SDCCAG8: variants seen among roughly 807,000 people sequenced by gnomAD.
SDCCAG8 encodes the protein serologically defined colon cancer antigen 8.
SDCCAG8 carries 74 observed loss-of-function variants against 101.8 expected under a neutral mutation model. That is an observed-to-expected ratio of 0.73 (90% CI 0.60 to 0.88). The LOEUF (loss-of-function observed/expected upper bound fraction) is 0.88. Ranked by LOEUF, SDCCAG8 falls within the 40% of genes least tolerant of loss-of-function variation. The probability of loss-of-function intolerance (pLI) is 0.00; values close to 1 mark genes in which losing one functional copy is unlikely to be tolerated. For synonymous variants in SDCCAG8, 281 were observed against 292.9 expected, an observed-to-expected ratio of 0.96 and a Z score of 0.41; for missense variants, 787 against 822.6, an observed-to-expected ratio of 0.96 and a Z score of 0.53.
At chr1:243,451,068 T>G (rs1452844120) in intron 16 of SDCCAG8, among the ~76,000 whole-genome samples, 1 of 152,268 alleles carries the variant, frequency 6.6e-6, no homozygotes, top group African/African-American at 2.4e-5. Flanking sequence ...GTAGTATACA[T>G]TATTTCATCT....
At chr1:243,331,686 C>T (rs2074604796) in intron 10 of SDCCAG8, among the ~76,000 whole-genome samples, 1 of 152,170 alleles carries the variant, frequency 6.6e-6, no homozygotes, top group Admixed American at 6.5e-5. Context: ...AAAAATCACA[C>T]AGCCTTGCAG....
At chr1:243,378,957 C>A in intron 13 of SDCCAG8, 94 bp downstream of exon 13, 2 of 1,501,884 alleles carry the variant, frequency 1.3e-6, no homozygotes, top group South Asian at 2.3e-5. Context: ...TAGTCTTAGT[C>A]ATTCAATTCA....
At chr1:243,419,766 A>G (rs1406468940) in intron 15 of SDCCAG8, among the ~76,000 whole-genome samples, 2 of 152,222 alleles carry the variant, frequency 1.3e-5, no homozygotes, top group Non-Finnish European at 1.5e-5. Flanking sequence ...TTCAAGCCAC[A>G]GTAGTTATGA....
chr1:243,354,989 C>T (rs2076302605), intron 12 of SDCCAG8, among the ~76,000 whole-genome samples: 1 of 152,146 alleles, frequency 6.6e-6, no homozygotes, highest in South Asian at 2.1e-4. Flanking sequence ...GAGTGTTAGA[C>T]ACACAGTGTG....
At position 243,365,674 on chromosome 1, in the gene SDCCAG8, A is replaced by G. The variant is rs12082796; in HGVS notation, c.1474-13047A>G. 3.0e-3 allele frequency among the ~76,000 whole-genome samples: 453 copies of G among 152,212 alleles called. 3 individuals are homozygous for G. The highest frequency in any genetic ancestry group is 0.01 in the African/African-American group (436 of 41,548). On this transcript the variant is annotated intron_variant, in intron 12 of 17. Transcript: ENST00000366541. ...ATGGGCCAATTTCTTTTACACAATA[A>G]TTTTTAGTAGCAGATACCATATCTA...
intron 13 of SDCCAG8, among the ~76,000 whole-genome samples, chr1:243,388,650 C>T (rs1213232625): frequency 1.3e-5 from 2 of 148,768 alleles, no homozygotes; most frequent in Non-Finnish European, 3.0e-5. Flanking sequence ...CACTTGAGGC[C>T]AGGAGGTCAA....
At chr1:243,319,043 T>C (rs1037451192) in intron 9 of SDCCAG8, among the ~76,000 whole-genome samples, 2 of 152,078 alleles carry the variant, frequency 1.3e-5, no homozygotes, top group Non-Finnish European at 2.9e-5. Context: ...AAGATTTCAC[T>C]CTGACAGCAG....
chr1:243,288,380 C>T (rs1308131890), intron 5 of SDCCAG8, among the ~76,000 whole-genome samples: 1 of 151,948 alleles, frequency 6.6e-6, no homozygotes, highest in African/African-American at 2.4e-5. Context: ...AGACTGAGGT[C>T]AGAGGATCCC....
intron 13 of SDCCAG8, among the ~76,000 whole-genome samples, chr1:243,409,908 C>G (rs997068895): frequency 6.6e-6 from 1 of 152,026 alleles, no homozygotes; most frequent in Non-Finnish European, 1.5e-5. Context: ...GATGAGAGCT[C>G]GATGAAGAAT....
chr1:243,373,902 T>C (rs1377243075), intron 12 of SDCCAG8, among the ~76,000 whole-genome samples: 1 of 152,048 alleles, frequency 6.6e-6, no homozygotes, highest in African/African-American at 2.4e-5. Flanking sequence ...CCAAGTATTA[T>C]CCTGTATTTG....
At chr1:243,309,582 G>A (rs1191549056) in intron 8 of SDCCAG8, among the ~76,000 whole-genome samples, 1 of 152,178 alleles carries the variant, frequency 6.6e-6, no homozygotes, top group Non-Finnish European at 1.5e-5. Context: ...ATAGCTCAGT[G>A]CAACTTTGAA....
At chr1:243,430,660 G>A (rs2081677326) in intron 16 of SDCCAG8, among the ~76,000 whole-genome samples, 1 of 151,522 alleles carries the variant, frequency 6.6e-6, no homozygotes, top group African/African-American at 2.4e-5. Flanking sequence ...GCATGGTCTG[G>A]ATCTCCTGAC....
intron 13 of SDCCAG8, among the ~76,000 whole-genome samples, chr1:243,381,400 G>T (rs1167417825): frequency 6.6e-6 from 1 of 151,998 alleles, no homozygotes; most frequent in Non-Finnish European, 1.5e-5. Context: ...ATCATCCTGA[G>T]CAACACAATG....
intron 16 of SDCCAG8, among the ~76,000 whole-genome samples, chr1:243,459,505 T>C (rs1658592625): frequency 6.6e-6 from 1 of 151,380 alleles, no homozygotes. Context: ...ACAGAAAGGC[T>C]TGGGGGGTGG....
chr1:243,307,207 A>AAAAC (rs2072233860), intron 7 of SDCCAG8: 1 of 169,738 alleles, frequency 5.9e-6, no homozygotes. Context: ...ACCTTGGAGA[A>AAAAC]AAACCTCATC....
At chr1:243,475,199 A>T (rs1017181548) in intron 16 of SDCCAG8, among the ~76,000 whole-genome samples, 64 of 152,088 alleles carry the variant, frequency 4.2e-4, no homozygotes, top group African/African-American at 1.5e-3. Context: ...GGGCAGTTCT[A>T]CCGCCGCCAC....
At chr1:243,454,166 C>T (rs2083562892) in intron 16 of SDCCAG8, among the ~76,000 whole-genome samples, 1 of 152,098 alleles carries the variant, frequency 6.6e-6, no homozygotes, top group African/African-American at 2.4e-5. Flanking sequence ...TTTTCTATTT[C>T]ACTGATGAAT....
chr1:243,473,096 T>TG (rs1209606476), intron 16 of SDCCAG8, among the ~76,000 whole-genome samples: 1 of 102,156 alleles, frequency 9.8e-6, no homozygotes, highest in Non-Finnish European at 2.1e-5. Flanking sequence ...TGCGGGGGTG[T>TG]GGGGGGTGTG....
intron 9 of SDCCAG8, among the ~76,000 whole-genome samples, chr1:243,329,500 A>T (rs1002819263): frequency 6.6e-6 from 1 of 152,202 alleles, no homozygotes; most frequent in Non-Finnish European, 1.5e-5. Context: ...ATCAAATGTG[A>T]CTATGAAATT....
Sources: gnomAD v4.1 joint callset for allele counts (sites outside exome capture counted in the v4.1 genomes callset) on GRCh38, gnomAD v4.1.1 for gene constraint, MANE v1.5 for transcripts, NCBI Gene and HGNC (gene_info 2026-07-23, HGNC 2026-07-21) for gene names.